KATNIP: variants seen among roughly 807,000 people sequenced by gnomAD.
KATNIP encodes the protein katanin interacting protein, also known as katanin-interacting protein.
Under a neutral mutation model 174.0 loss-of-function variants are expected in KATNIP, and 126 were observed. The observed-to-expected ratio is 0.72, with a 90% CI of 0.63 to 0.84. The LOEUF (loss-of-function observed/expected upper bound fraction) is 0.84. KATNIP is among the 40% of genes least tolerant of loss of function. The pLI is 0.00. For synonymous variants in KATNIP, 810 were observed against 835.7 expected, an observed-to-expected ratio of 0.97 and a Z score of 0.53; for missense variants, 1,958 against 2,109.7, an observed-to-expected ratio of 0.93 and a Z score of 1.41.
At chr16:27,688,901 C>G (rs2078617357) in intron 8 of KATNIP, among the ~76,000 whole-genome samples, 1 of 152,180 alleles carries the variant, frequency 6.6e-6, no homozygotes, top group Non-Finnish European at 1.5e-5. Context: ...CCTCCCTCCT[C>G]CATGGTCAGG....
intron 2 of KATNIP, among the ~76,000 whole-genome samples, chr16:27,595,012 G>A (rs540714106): frequency 6.6e-6 from 1 of 152,334 alleles, no homozygotes; most frequent in African/African-American, 2.4e-5. Context: ...GTGGGAAGGG[G>A]ACTGGCCAGG....
intron 14 of KATNIP, among the ~76,000 whole-genome samples, chr16:27,733,168 C>T (rs150697266): frequency 4.7e-4 from 71 of 152,328 alleles, no homozygotes; most frequent in African/African-American, 1.7e-3. Flanking sequence ...GCCCACAGCT[C>T]TGCTTCACTG....
At chr16:27,743,797 C>G (rs1326685503) in intron 15 of KATNIP, among the ~76,000 whole-genome samples, 1 of 152,178 alleles carries the variant, frequency 6.6e-6, no homozygotes, top group African/African-American at 2.4e-5. Flanking sequence ...CTCTACCATA[C>G]ATGTTTCCAA....
chr16:27,707,195 T>A (rs905757679), intron 12 of KATNIP, among the ~76,000 whole-genome samples: 1 of 152,178 alleles, frequency 6.6e-6, no homozygotes, highest in Non-Finnish European at 1.5e-5. Context: ...TTTGCTTGGC[T>A]CCCTGCTCAC....
chr16:27,557,143 T>C, intron 1 of KATNIP, among the ~76,000 whole-genome samples: 1 of 135,416 alleles, frequency 7.4e-6, no homozygotes, highest in East Asian at 2.0e-4. Flanking sequence ...GTGAAGTTGA[T>C]TTTTTTTTTT....
At chr16:27,761,358 A>C (rs2081948143) in intron 18 of KATNIP, 55 bp from the exon 19 acceptor site, 3 of 1,508,522 alleles carry the variant, frequency 2.0e-6, no homozygotes, top group Non-Finnish European at 2.7e-6. Context: ...TCTTCATTTT[A>C]GATGCCTCCT....
At chr16:27,608,399 CTT>C (rs11374534) in intron 2 of KATNIP, among the ~76,000 whole-genome samples, 3 of 97,554 alleles carry the variant, frequency 3.1e-5, no homozygotes, top group African/African-American at 1.2e-4. Flanking sequence ...ACTGGTGAAT[CTT>C]TTTTTTTTTT....
chr16:27,685,410 T>A (rs376204146), intron 8 of KATNIP: 1 of 151,732 alleles, frequency 6.6e-6, no homozygotes, highest in Non-Finnish European at 1.5e-5. Flanking sequence ...AAATAAAAAA[T>A]TTAAGAAAAT....
chr16:27,661,355 G>C (rs1428000414), intron 6 of KATNIP, among the ~76,000 whole-genome samples: 3 of 151,974 alleles, frequency 2.0e-5, no homozygotes, highest in Non-Finnish European at 4.4e-5. Flanking sequence ...AGGCTTTTTA[G>C]GTTTAAGAGA....
At chr16:27,659,765 A>C (rs186229459) in intron 6 of KATNIP, among the ~76,000 whole-genome samples, 1 of 152,160 alleles carries the variant, frequency 6.6e-6, no homozygotes, top group Non-Finnish European at 1.5e-5. Context: ...ATAGAAATAC[A>C]CTGAGGAATG....
intron 18 of KATNIP, among the ~76,000 whole-genome samples, chr16:27,760,030 GA>G (rs1253436626): frequency 3.3e-5 from 5 of 152,210 alleles, no homozygotes; most frequent in Non-Finnish European, 5.9e-5. Context: ...AGTATGTTGG[GA>G]GATGTCAGGG....
chr16:27,554,201 C>T (rs1186338255), intron 1 of KATNIP, among the ~76,000 whole-genome samples: 1 of 152,244 alleles, frequency 6.6e-6, no homozygotes, highest in African/African-American at 2.4e-5. Flanking sequence ...GGGTGGCTCA[C>T]GCCTGTAATC....
chr16:27,740,014 T>G (rs753271766), intron 14 of KATNIP, 27 bp from the exon 15 acceptor site: 1 of 1,588,128 alleles, frequency 6.3e-7, no homozygotes, highest in South Asian at 1.1e-5. Flanking sequence ...CTATGCATCT[T>G]CACTTTGTTA....
chr16:27,619,877 G>A (rs558038965), intron 3 of KATNIP, among the ~76,000 whole-genome samples: 3 of 152,254 alleles, frequency 2.0e-5, no homozygotes, highest in South Asian at 2.1e-4. Flanking sequence ...CTAGAATGGC[G>A]AAGGCTTGTG....
chr16:27,686,086 G>A (rs2078513249), intron 8 of KATNIP, among the ~76,000 whole-genome samples: 1 of 152,174 alleles, frequency 6.6e-6, no homozygotes, highest in South Asian at 2.1e-4. Flanking sequence ...TAGGGGAAAT[G>A]TGTGTTTTTA....
intron 1 of KATNIP, among the ~76,000 whole-genome samples, chr16:27,564,971 G>A (rs1312648691): frequency 1.3e-5 from 2 of 151,204 alleles, no homozygotes; most frequent in African/African-American, 4.8e-5. Context: ...CACCATGTTA[G>A]CCAAGCTGGT....
rs759756121 is a variant in KATNIP, at chr16:27,749,621, G to A, written c.2661G>A (p.Arg887=). ...TWSSRTPSRS[R]WRSEQEHTLH... is the part of the protein sequence containing the mutation. ...CTTCCAGGACGCCGTCACGGTCAAG[G>A]TGGCGCAGTGAGCAGGAGCACACAC... The change falls in exon 16 of 28, where the codon AGG becomes AGA. Residue 887 remains arginine, a synonymous_variant. Transcript: ENST00000261588. The A allele has an allele frequency of 6.4e-7, 1 of 1,554,266 alleles. No individual in the cohort carries two copies. Among genetic ancestry groups the A allele is most frequent in the South Asian group, 1.2e-5 (1 of 80,772 alleles).
rs145758789 is a variant in KATNIP at position 27,704,130 on chromosome 16, C to T, written c.1389+132C>T. 2,402 of 686,726 alleles carry T rather than the reference C, an allele frequency of 3.5e-3. 15 individuals are homozygous for T. Among genetic ancestry groups the T allele is most frequent in the Middle Eastern group, 0.012 (44 of 3,818 alleles). 42.5% of individuals were successfully genotyped at this position (686,726 alleles called of 1,614,324 possible). A position where few individuals can be genotyped will look rare whatever the true frequency, so the allele number is the denominator to read the frequency against. ...CTGCCTGTGTTTCCACCGCCCCCCC[C>T]CTCCCTGGCACACAGAGGTATATAT... On this transcript the variant is annotated intron_variant, in intron 12 of 27. Transcript: ENST00000261588.
At chr16:27,611,555 CT>C (rs2075892275) in intron 2 of KATNIP, among the ~76,000 whole-genome samples, 1 of 152,236 alleles carries the variant, frequency 6.6e-6, no homozygotes, top group African/African-American at 2.4e-5. Flanking sequence ...TCAGGCGAAA[CT>C]CTGTCTCCTT....
Sources: allele counts gnomAD v4.1 joint callset (sites outside exome capture counted in the v4.1 genomes callset), GRCh38; gene constraint gnomAD v4.1.1; transcripts MANE v1.5; gene names NCBI Gene and HGNC (gene_info 2026-07-23, HGNC 2026-07-21).